Variants in USP54 observed in about 807,000 individuals in gnomAD.
USP54 encodes ubiquitin specific peptidase 54.
USP54 carries 87 observed loss-of-function variants against 170.5 expected under a neutral mutation model. The observed-to-expected ratio is 0.51, with a 90% CI of 0.43 to 0.61. USP54 has a LOEUF of 0.61. Among genes scored for constraint, USP54 ranks in the 20% least tolerant of loss-of-function variants. The pLI, the probability that USP54 is intolerant of heterozygous loss-of-function variation, is 0.00. For synonymous variants in USP54, 655 were observed against 742.8 expected (o/e 0.88, Z 1.92); for missense variants, 1,786 against 2,047.8 (o/e 0.87, Z 2.47).
At position 73,519,860 on chromosome 10, in the gene USP54, T is replaced by C. The variant is rs2061639155; in HGVS notation, c.2615A>G (p.Gln872Arg). 9 of 1,614,168 alleles carry C rather than the reference T, an allele frequency of 5.6e-6. No homozygotes were observed. The highest frequency in any genetic ancestry group is 7.6e-6 in the Non-Finnish European group (9 of 1,180,032). Reference sequence around the variant, plus strand: ...GCAGGCTGAGGGCTGCGACGGCTGCTGTGGTGATTGCTGCTGCTGCATGCG... The same window carrying C: ...GCAGGCTGAGGGCTGCGACGGCTGCCGTGGTGATTGCTGCTGCTGCATGCG... Reference protein sequence around the residue: ...QDRMQQQQSPQQPSQPSACLP... With the variant: ...QDRMQQQQSPRQPSQPSACLP... The change falls in exon 19 of 24, where the codon CAG becomes CGG. Residue 872 changes from glutamine (Q) to arginine (R), a missense_variant. Physicochemically the swap from Gln to Arg is conservative, Grantham distance 43. This residue lies in a region of USP54 where 1,418 missense variants were observed against 1,569.0 expected (regional missense o/e 0.90). Transcript: ENST00000687698.
At chr10:73,612,466 T>G in intron 1 of USP54, among the ~76,000 whole-genome samples, 1 of 152,156 alleles carries the variant, frequency 6.6e-6, no homozygotes, top group Non-Finnish European at 1.5e-5. Flanking sequence ...CCTATTCTAG[T>G]GTTTTACTCA....
At chr10:73,547,312 A>T (rs1445336315) in intron 4 of USP54, among the ~76,000 whole-genome samples, 1 of 152,060 alleles carries the variant, frequency 6.6e-6, no homozygotes, top group Non-Finnish European at 1.5e-5. Flanking sequence ...GAGGCAAGAG[A>T]ATCACTTGAA....
chr10:73,502,371 CAA>C (rs2058310957), intron 22 of USP54, among the ~76,000 whole-genome samples: 1 of 152,124 alleles, frequency 6.6e-6, no homozygotes, highest in African/African-American at 2.4e-5. Flanking sequence ...TGCAGTGGCG[CAA>C]TCTCGGCTCA....
At chr10:73,503,448 C>G (rs1007043065) in intron 22 of USP54, among the ~76,000 whole-genome samples, 3 of 152,134 alleles carry the variant, frequency 2.0e-5, no homozygotes, top group Non-Finnish European at 1.5e-5. Context: ...TCAATAAGCA[C>G]TTATTTATTT....
At chr10:73,520,334 CCT>C (rs2061705489) in intron 18 of USP54, among the ~76,000 whole-genome samples, 1 of 152,202 alleles carries the variant, frequency 6.6e-6, no homozygotes, top group African/African-American at 2.4e-5. Flanking sequence ...TACTCTCACC[CCT>C]CTCTTCCCAA....
chr10:73,566,946 G>T (rs539623737), intron 4 of USP54, among the ~76,000 whole-genome samples: 49 of 151,934 alleles, frequency 3.2e-4, no homozygotes, highest in African/African-American at 1.1e-3. Context: ...GCACGATCCT[G>T]GCTCACTGCA....
chr10:73,579,122 T>C (rs190728494), intron 1 of USP54, among the ~76,000 whole-genome samples: 3 of 148,866 alleles, frequency 2.0e-5, no homozygotes, highest in Admixed American at 6.7e-5. Flanking sequence ...TGCACCACCA[T>C]GTATTTTTAG....
At chr10:73,534,167 C>T (rs1409543906) in intron 12 of USP54, among the ~76,000 whole-genome samples, 1 of 152,020 alleles carries the variant, frequency 6.6e-6, no homozygotes, top group African/African-American at 2.4e-5. Flanking sequence ...GCCATTGTGC[C>T]TTTGCGTAAC....
intron 16 of USP54, among the ~76,000 whole-genome samples, chr10:73,525,870 T>G (rs1467512734): frequency 6.6e-6 from 1 of 152,248 alleles, no homozygotes; most frequent in Non-Finnish European, 1.5e-5. Context: ...TGTCAGTAAC[T>G]ATCAAGAGAA....
At chr10:73,555,062 C>T (rs1032303841) in intron 4 of USP54, among the ~76,000 whole-genome samples, 4 of 152,204 alleles carry the variant, frequency 2.6e-5, no homozygotes, top group African/African-American at 9.6e-5. Context: ...ATAATTGCAC[C>T]ACTGCACTTC....
intron 12 of USP54, among the ~76,000 whole-genome samples, chr10:73,533,413 A>G (rs1360002003): frequency 6.6e-6 from 1 of 152,184 alleles, no homozygotes; most frequent in Admixed American, 6.5e-5. Flanking sequence ...ATGTGCTTCA[A>G]AATAATCCAG....
At chr10:73,563,566 T>C (rs193015995) in intron 4 of USP54, among the ~76,000 whole-genome samples, 5 of 152,240 alleles carry the variant, frequency 3.3e-5, no homozygotes, top group Admixed American at 6.5e-5. Context: ...GCCTCCCAAA[T>C]AGCTGAGATT....
intron 9 of USP54, among the ~76,000 whole-genome samples, chr10:73,540,271 TA>T (rs777390854): frequency 5.6e-3 from 743 of 131,656 alleles, no homozygotes; most frequent in African/African-American, 0.011. Context: ...AAAGTTGGAT[TA>T]AAAAAAAAAA....
At chr10:73,620,572 C>G (rs1244442978) in intron 1 of USP54, among the ~76,000 whole-genome samples, 3 of 148,626 alleles carry the variant, frequency 2.0e-5, no homozygotes, top group Non-Finnish European at 4.4e-5. Flanking sequence ...ATCCTCCTGC[C>G]TTAGCCTCCC....
At chr10:73,552,517 G>A (rs192971235) in intron 4 of USP54, among the ~76,000 whole-genome samples, 381 of 152,252 alleles carry the variant, frequency 2.5e-3, no homozygotes, top group African/African-American at 8.5e-3. Context: ...TCAGCCGGGC[G>A]TGGTGGCCCA....
Position 73,529,755 on chromosome 10 carries a change from T to C in USP54, c.1985A>G (p.Tyr662Cys), listed in dbSNP as rs1257886881. ...GCTGCTGTTCCTCTCACTGCTTTCATAGCCAGATTCCATTCGCTGGATTAG... is the reference window on the plus strand; with the variant it reads ...GCTGCTGTTCCTCTCACTGCTTTCACAGCCAGATTCCATTCGCTGGATTAG... ...PRLIQRMESG[Y>C]ESSERNSSSP... The change falls in exon 15 of 24, where the codon TAT becomes TGT. Residue 662 changes from tyrosine (Y) to cysteine (C), a missense_variant. This residue lies in a region of USP54 where 1,418 missense variants were observed against 1,569.0 expected (regional missense o/e 0.90). Coordinates refer to ENST00000687698, the MANE Select transcript of USP54 (RefSeq NM_001391956.1). 5.0e-6 allele frequency: 8 copies of C among 1,614,048 alleles called. No individual in the cohort carries two copies. The highest frequency in any genetic ancestry group is 6.8e-6 in the Non-Finnish European group (8 of 1,179,914).
intron 20 of USP54, chr10:73,515,694 T>G (rs549263860): frequency 6.6e-6 from 1 of 152,178 alleles, no homozygotes; most frequent in African/African-American, 2.4e-5. Flanking sequence ...CTTGGGATTC[T>G]AAGCCATAGA....
intron 1 of USP54, among the ~76,000 whole-genome samples, chr10:73,616,142 T>C (rs1268068590): frequency 6.7e-6 from 1 of 149,620 alleles, no homozygotes; most frequent in Non-Finnish European, 1.5e-5. Flanking sequence ...AGTTCAAGAC[T>C]AGCCTGGCGA....
chr10:73,521,114 C>T, intron 17 of USP54, 87 bp from the exon 18 acceptor site: 2 of 1,561,982 alleles, frequency 1.3e-6, no homozygotes, highest in South Asian at 2.3e-5. Flanking sequence ...CACAGAGATC[C>T]TTGCTGCTGA....
Sources: allele counts gnomAD v4.1 joint callset (sites outside exome capture counted in the v4.1 genomes callset), GRCh38; gene constraint gnomAD v4.1.1; regional missense constraint gnomAD v4.1.1; transcripts MANE v1.5; gene names NCBI Gene and HGNC (gene_info 2026-07-23, HGNC 2026-07-21).